Variants in CNTN5 observed in about 807,000 individuals in gnomAD.
CNTN5 encodes the protein contactin 5.
Under a neutral mutation model 129.1 loss-of-function variants are expected in CNTN5, and 77 were observed. The observed-to-expected ratio is 0.60, with a 90% CI of 0.50 to 0.72. CNTN5 has a LOEUF of 0.72. Among genes scored for constraint, CNTN5 ranks in the 30% least tolerant of loss-of-function variants. The pLI, the probability that CNTN5 is intolerant of heterozygous loss-of-function variation, is 0.00. For missense variants in CNTN5, 1,478 were observed against 1,328.8 expected (o/e 1.11, Z -1.75); for synonymous variants, 509 against 465.6 (o/e 1.09, Z -1.20).
At chr11:100,346,285 A>C (rs1952277003) in intron 23 of CNTN5, among the ~76,000 whole-genome samples, 1 of 152,172 alleles carries the variant, frequency 6.6e-6, no homozygotes, top group Non-Finnish European at 1.5e-5. Context: ...GTGTTACTAA[A>C]GAAATGCCAA....
chr11:100,299,492 G>A, intron 20 of CNTN5, 96 bp downstream of exon 20: 1 of 707,512 alleles, frequency 1.4e-6, no homozygotes, highest in East Asian at 3.2e-5. Flanking sequence ...ATACAAATAA[G>A]GCAAAATAAA....
intron 2 of CNTN5, among the ~76,000 whole-genome samples, chr11:99,448,678 GT>G (rs1944170526): frequency 6.6e-6 from 1 of 151,762 alleles, no homozygotes. Flanking sequence ...TATTATAGAT[GT>G]GGAAATTGAG....
chr11:99,450,283 T>C (rs985603138), intron 2 of CNTN5, among the ~76,000 whole-genome samples: 56 of 150,198 alleles, frequency 3.7e-4, no homozygotes, highest in African/African-American at 1.3e-3. Context: ...TATATATATA[T>C]ATGTTTGTGT....
chr11:99,498,398 C>G (rs1162477724), intron 2 of CNTN5, among the ~76,000 whole-genome samples: 2 of 152,128 alleles, frequency 1.3e-5, no homozygotes, highest in East Asian at 3.8e-4. Flanking sequence ...TAGCTTGATT[C>G]TGAGTTATTG....
chr11:99,207,257 C>T (rs1166958996), intron 1 of CNTN5, among the ~76,000 whole-genome samples: 1 of 152,106 alleles, frequency 6.6e-6, no homozygotes. Flanking sequence ...GCATCTGAAG[C>T]ATGTACCACA....
intron 8 of CNTN5, among the ~76,000 whole-genome samples, chr11:99,965,575 T>A (rs541306399): frequency 3.0e-4 from 45 of 152,290 alleles, no homozygotes; most frequent in African/African-American, 1.1e-3. Flanking sequence ...GTGCTTTACT[T>A]CCAACTATGT....
intron 3 of CNTN5, among the ~76,000 whole-genome samples, chr11:99,787,084 C>T (rs571173453): frequency 2.7e-5 from 2 of 73,470 alleles, no homozygotes; most frequent in Non-Finnish European, 5.3e-5. Flanking sequence ...GCTTCTGAAA[C>T]TACATGTTTT....
intron 17 of CNTN5, among the ~76,000 whole-genome samples, chr11:100,258,278 T>C (rs908924786): frequency 1.3e-5 from 2 of 152,080 alleles, no homozygotes; most frequent in African/African-American, 2.4e-5. Context: ...CCAGCAAATA[T>C]GGCACTATGT....
At chr11:99,587,637 G>A (rs1235376124) in intron 3 of CNTN5, among the ~76,000 whole-genome samples, 1 of 152,204 alleles carries the variant, frequency 6.6e-6, no homozygotes, top group Non-Finnish European at 1.5e-5. Context: ...GTGTGTGGGA[G>A]TGAGGATATG....
At chr11:100,330,281 C>CA (rs1341751560) in intron 21 of CNTN5, among the ~76,000 whole-genome samples, 2 of 152,072 alleles carry the variant, frequency 1.3e-5, no homozygotes, top group African/African-American at 4.8e-5. Flanking sequence ...CAAAGACAAA[C>CA]AGAAAGGAAT....
At chr11:99,111,955 A>G (rs1433985388) in intron 1 of CNTN5, among the ~76,000 whole-genome samples, 3 of 152,062 alleles carry the variant, frequency 2.0e-5, no homozygotes, top group Admixed American at 6.6e-5. Context: ...CACTAAGCAT[A>G]TTATTTTGCA....
At chr11:99,321,837 G>C (rs1865584887) in intron 1 of CNTN5, among the ~76,000 whole-genome samples, 1 of 152,112 alleles carries the variant, frequency 6.6e-6, no homozygotes, top group African/African-American at 2.4e-5. Flanking sequence ...GTTGAACGAG[G>C]ATTCATGTTT....
chr11:99,593,308 A>G (rs1472833448), intron 3 of CNTN5, among the ~76,000 whole-genome samples: 1 of 152,186 alleles, frequency 6.6e-6, no homozygotes, highest in African/African-American at 2.4e-5. Context: ...ATAAATAACA[A>G]CAACTCTGTG....
intron 2 of CNTN5, among the ~76,000 whole-genome samples, chr11:99,520,957 T>C (rs1171286051): frequency 6.6e-6 from 1 of 152,082 alleles, no homozygotes; most frequent in Non-Finnish European, 1.5e-5. Context: ...AATAATAGCT[T>C]TCAATTGCAT....
chr11:100,235,157 T>C (rs1004250535), intron 16 of CNTN5, among the ~76,000 whole-genome samples: 3 of 152,266 alleles, frequency 2.0e-5, no homozygotes, highest in African/African-American at 7.2e-5. Flanking sequence ...GTTCATTTGT[T>C]TGAATTGTTT....
chr11:99,320,190 TG>T (rs1007925560), intron 1 of CNTN5, among the ~76,000 whole-genome samples: 1 of 152,110 alleles, frequency 6.6e-6, no homozygotes, highest in African/African-American at 2.4e-5. Context: ...TGCAGTGAGC[TG>T]AGATTACACC....
intron 1 of CNTN5, among the ~76,000 whole-genome samples, chr11:99,223,447 A>G (rs889423913): frequency 1.3e-5 from 2 of 152,168 alleles, no homozygotes; most frequent in Admixed American, 1.3e-4. Flanking sequence ...GTTCTAATCA[A>G]TTGTGTTTTC....
At chr11:99,775,634 C>T (rs928153211) in intron 3 of CNTN5, among the ~76,000 whole-genome samples, 3 of 151,914 alleles carry the variant, frequency 2.0e-5, no homozygotes, top group African/African-American at 7.2e-5. Flanking sequence ...TTTCTTCGGG[C>T]ATATGCAAAA....
chr11:99,110,798 A>G (rs1193617684), intron 1 of CNTN5, among the ~76,000 whole-genome samples: 1 of 152,168 alleles, frequency 6.6e-6, no homozygotes, highest in Non-Finnish European at 1.5e-5. Flanking sequence ...GTTTAAAAGT[A>G]TTTTAGAAAT....
Sources: gnomAD v4.1 joint callset for allele counts (sites outside exome capture counted in the v4.1 genomes callset) on GRCh38, gnomAD v4.1.1 for gene constraint, MANE v1.5 for transcripts, NCBI Gene and HGNC (gene_info 2026-07-23, HGNC 2026-07-21) for gene names.